Variants in PREPL observed in about 807,000 individuals in gnomAD.
PREPL encodes prolyl endopeptidase like.
In PREPL, 77 loss-of-function variants were observed where a neutral mutation model predicts 70.6. The ratio of observed to expected loss-of-function variants is 1.09; its 90% CI spans 0.91 to 1.32. PREPL has a LOEUF of 1.32. Ranked by LOEUF, PREPL falls within the 40% of genes most tolerant of loss-of-function variation. The probability of loss-of-function intolerance (pLI) is 0.00; values close to 1 mark genes in which losing one functional copy is unlikely to be tolerated. For synonymous variants in PREPL, 315 were observed against 264.8 expected, an observed-to-expected ratio of 1.19 and a Z score of -1.84; for missense variants, 1,002 against 778.2, an observed-to-expected ratio of 1.29 and a Z score of -3.42.
chr2:44,352,713 A>G (rs1900240), intron 1 of PREPL, among the ~76,000 whole-genome samples: 3,753 of 152,314 alleles, frequency 0.025, 173 homozygotes, highest in African/African-American at 0.086. Context: ...GCTGAGTTGA[A>G]TAAAATTCAG....
upstream of PREPL, chr2:44,361,721 C>T (rs921482423): frequency 1.0e-5 from 4 of 397,446 alleles, no homozygotes; most frequent in African/African-American, 6.2e-5. Context: ...AAGGCTAAAA[C>T]AATGAGGGAC....
At chr2:44,358,561 G>A (rs1368842093) in intron 1 of PREPL, among the ~76,000 whole-genome samples, 1 of 152,136 alleles carries the variant, frequency 6.6e-6, no homozygotes, top group East Asian at 1.9e-4. Flanking sequence ...CTTACTGTAG[G>A]ATGACCATAT....
At chr2:44,344,692 C>T in intron 2 of PREPL, 106 bp from the exon 3 acceptor site, 1 of 759,166 alleles carries the variant, frequency 1.3e-6, no homozygotes, top group East Asian at 2.9e-5. Context: ...AAAAACAGAC[C>T]TGTTGAAGTA....
At chr2:44,328,782 A>G (rs1673791473) in intron 9 of PREPL, among the ~76,000 whole-genome samples, 155 bp downstream of exon 9, 1 of 152,216 alleles carries the variant, frequency 6.6e-6, no homozygotes, top group Non-Finnish European at 1.5e-5. Context: ...CTAATCTGTT[A>G]AAGAATCAAG....
chr2:44,353,010 G>A (rs1676613142), intron 1 of PREPL, among the ~76,000 whole-genome samples: 1 of 152,184 alleles, frequency 6.6e-6, no homozygotes, highest in South Asian at 2.1e-4. Context: ...ACTTTGGGAA[G>A]CTGAGACAGG....
At chr2:44,322,629 G>A in intron 12 of PREPL, 102 bp downstream of exon 12, 2 of 1,422,586 alleles carry the variant, frequency 1.4e-6, no homozygotes, top group Non-Finnish European at 1.9e-6. Flanking sequence ...CCTAAATCCT[G>A]GGCAGATGAT....
chr2:44,346,416 A>T (rs1276380473), intron 1 of PREPL, 26 bp from the exon 2 acceptor site: 1 of 1,605,540 alleles, frequency 6.2e-7, no homozygotes, highest in Non-Finnish European at 8.5e-7. Flanking sequence ...TTATGATCAA[A>T]ATATTTCAAA....
At chr2:44,326,669 C>T (rs756433462) in intron 10 of PREPL, 43 bp downstream of exon 10, 18 of 1,578,212 alleles carry the variant, frequency 1.1e-5, no homozygotes, top group East Asian at 2.2e-5. Context: ...TATGGCTTCA[C>T]ACCTCCCCCA....
rs1675345862 is a variant in PREPL, at chr2:44,342,570, GATA to G, written c.350-21_350-19del. On this transcript the variant is annotated intron_variant, in intron 4 of 13. Transcript: ENST00000409411. ...TACCCATTCTGAAAGAAAATAATGA[GATA>G]ATTATACATAATCACCTACACTCCA... 2.7e-6 allele frequency: 4 copies of G among 1,477,206 alleles called. No homozygotes were observed. Among genetic ancestry groups the G allele is most frequent in the Non-Finnish European group, 3.7e-6 (4 of 1,091,514 alleles). 91.5% of individuals were successfully genotyped at this position (1,477,206 alleles called of 1,614,324 possible).
intron 7 of PREPL, among the ~76,000 whole-genome samples, chr2:44,333,742 T>C (rs1202314550): frequency 6.6e-6 from 1 of 152,240 alleles, no homozygotes; most frequent in Non-Finnish European, 1.5e-5. Context: ...AACTTGTCTA[T>C]TTAAATTTAA....
Position 44,361,400 on chromosome 2 carries a change from CGG to C in PREPL, c.-71_-70del. 1 of 152,312 alleles carries C rather than the reference CGG, an allele frequency of 6.6e-6. No homozygotes were observed. Among genetic ancestry groups the C allele is most frequent in the East Asian group, 1.9e-4 (1 of 5,190 alleles). The allele number at this position is 152,312 out of a possible 1,614,324, so 9.4% of individuals were successfully genotyped here. A position where few individuals can be genotyped will look rare whatever the true frequency, so the allele number is the denominator to read the frequency against. The stretch of plus-strand genomic sequence containing the variant: ...CATACGCAAATTGAGAGAATCAGTC[CGG>C]CTCTGGACACAAACCAGTGAAGGCA... On this transcript the variant is annotated 5_prime_UTR_variant, in exon 1 of 14. Coordinates refer to ENST00000409411, the MANE Select transcript of PREPL (RefSeq NM_001171613.2).
intron 2 of PREPL, among the ~76,000 whole-genome samples, chr2:44,346,037 C>A (rs1558511057): frequency 6.6e-6 from 1 of 151,912 alleles, no homozygotes; most frequent in Non-Finnish European, 1.5e-5. Context: ...TAATATATTA[C>A]AGTTGAAAAT....
intron 7 of PREPL, among the ~76,000 whole-genome samples, chr2:44,337,310 G>C (rs2103898107): frequency 6.6e-6 from 1 of 152,208 alleles, no homozygotes; most frequent in South Asian, 2.1e-4. Context: ...TTCTTCTCTA[G>C]TTTGAGCCCC....
upstream of PREPL, chr2:44,361,773 C>A: frequency 1.6e-6 from 1 of 627,356 alleles, no homozygotes; most frequent in Non-Finnish European, 2.4e-6. Flanking sequence ...ATCCTCTGGT[C>A]CGCCCTCACT....
chr2:44,338,270 T>C, intron 7 of PREPL, 81 bp downstream of exon 7: 1 of 1,262,326 alleles, frequency 7.9e-7, no homozygotes. Context: ...CTGCTGCCAC[T>C]ATTCAAAATG....
chr2:44,336,505 G>A (rs1376370345), intron 7 of PREPL, among the ~76,000 whole-genome samples: 1 of 152,112 alleles, frequency 6.6e-6, no homozygotes, highest in African/African-American at 2.4e-5. Flanking sequence ...TGGACACAAG[G>A]AAGAGAATAA....
chr2:44,319,196 A>C lies in PREPL; in HGVS notation c.*2160T>G, dbSNP rs1003388241. 2 of 152,664 alleles carry C rather than the reference A, an allele frequency of 1.3e-5. No homozygotes were observed. Among genetic ancestry groups the C allele is most frequent in the Non-Finnish European group, 2.9e-5 (2 of 68,036 alleles). The allele number at this position is 152,664 out of a possible 1,614,324, so 9.5% of individuals were successfully genotyped here. A position where few individuals can be genotyped will look rare whatever the true frequency, so the allele number is the denominator to read the frequency against. On this transcript the variant is annotated 3_prime_UTR_variant, in exon 14 of 14. Coordinates refer to ENST00000409411, the MANE Select transcript of PREPL (RefSeq NM_001171613.2). ...GACCACATATTGGGAACCTACCCCTAAAGAACAATAACAACCACAATAACA... is the reference window on the plus strand; with the variant it reads ...GACCACATATTGGGAACCTACCCCTCAAGAACAATAACAACCACAATAACA...
chr2:44,348,716 T>C (rs913201840), intron 1 of PREPL, among the ~76,000 whole-genome samples: 5 of 152,202 alleles, frequency 3.3e-5, no homozygotes, highest in Admixed American at 2.0e-4. Context: ...AATAGGATTT[T>C]TGACTCCCTT....
At chr2:44,349,703 G>A (rs115226623) in intron 1 of PREPL, among the ~76,000 whole-genome samples, 2 of 152,132 alleles carry the variant, frequency 1.3e-5, no homozygotes, top group East Asian at 3.8e-4. Flanking sequence ...GGTGGCTCAC[G>A]CCTGTAATCT....
Sources: allele counts gnomAD v4.1 joint callset (sites outside exome capture counted in the v4.1 genomes callset), GRCh38; gene constraint gnomAD v4.1.1; transcripts MANE v1.5; gene names NCBI Gene and HGNC (gene_info 2026-07-23, HGNC 2026-07-21).